PRR5L: variants seen among roughly 807,000 people sequenced by gnomAD.
PRR5L encodes proline rich 5 like, also known as proline-rich protein 5-like.
Under a neutral mutation model 36.4 loss-of-function variants are expected in PRR5L, and 21 were observed. The ratio of observed to expected loss-of-function variants is 0.58; its 90% CI spans 0.41 to 0.83. The LOEUF is 0.83. PRR5L is among the 40% of genes least tolerant of loss of function. The probability of loss-of-function intolerance (pLI) is 0.00; values close to 1 mark genes in which losing one functional copy is unlikely to be tolerated. For synonymous variants in PRR5L, 188 were observed against 197.0 expected (o/e 0.95, Z 0.38); for missense variants, 381 against 473.3 (o/e 0.80, Z 1.81).
chr11:36,435,672 C>T (rs970983689), intron 5 of PRR5L, among the ~76,000 whole-genome samples: 1 of 152,114 alleles, frequency 6.6e-6, no homozygotes, highest in Non-Finnish European at 1.5e-5. Flanking sequence ...GAGGAGGAGG[C>T]AGATTCTCCT....
At chr11:36,303,230 A>G (rs1469994119) in intron 1 of PRR5L, among the ~76,000 whole-genome samples, 1 of 152,230 alleles carries the variant, frequency 6.6e-6, no homozygotes, top group Non-Finnish European at 1.5e-5. Context: ...GGAGAGAAAT[A>G]GATGTAATAG....
intron 1 of PRR5L, among the ~76,000 whole-genome samples, chr11:36,323,847 C>T (rs1327192608): frequency 6.6e-6 from 1 of 152,126 alleles, no homozygotes; most frequent in African/African-American, 2.4e-5. Context: ...GATTATGCCA[C>T]TGCACTCCAG....
chr11:36,421,484 A>T (rs1393612058), intron 4 of PRR5L, among the ~76,000 whole-genome samples: 1 of 152,150 alleles, frequency 6.6e-6, no homozygotes, highest in Non-Finnish European at 1.5e-5. Context: ...TTTTAAATCG[A>T]AGTTTATTTA....
chr11:36,413,682 T>C (rs1303000405), intron 3 of PRR5L, among the ~76,000 whole-genome samples: 1 of 151,626 alleles, frequency 6.6e-6, no homozygotes, highest in Non-Finnish European at 1.5e-5. Flanking sequence ...CTGTATACTT[T>C]ATTTTATTTA....
At position 36,331,978 on chromosome 11, in the gene PRR5L, G is replaced by A. The variant is rs564135602; in HGVS notation, c.-126+35540G>A. Among the ~76,000 whole-genome samples the A allele has an allele frequency of 5.3e-5, 8 of 152,192 alleles. 1 individual carries two copies. Among genetic ancestry groups the A allele is most frequent in the East Asian group, 1.9e-4 (1 of 5,182 alleles). On this transcript the variant is annotated intron_variant, in intron 1 of 8. Transcript: ENST00000530639. ...GTTGGATAGGTTACTTAACCTTTCC[G>A]GGTCTTAGTTTCTTTACCTGTAAAA...
At chr11:36,410,941 G>A (rs368549112) in intron 3 of PRR5L, among the ~76,000 whole-genome samples, 1 of 152,192 alleles carries the variant, frequency 6.6e-6, no homozygotes, top group East Asian at 1.9e-4. Context: ...GGATCTTGAG[G>A]CGGTCTGGGC....
chr11:36,410,724 AC>A (rs1447593483), intron 3 of PRR5L, among the ~76,000 whole-genome samples: 3 of 152,236 alleles, frequency 2.0e-5, no homozygotes, highest in Non-Finnish European at 4.4e-5. Flanking sequence ...AGTCAAGGAC[AC>A]CACCTCCCAT....
At chr11:36,378,379 C>A (rs4756308) in intron 1 of PRR5L, among the ~76,000 whole-genome samples, 108,687 of 152,046 alleles carry the variant, frequency 0.71, 39,742 homozygotes, top group East Asian at 0.85. Flanking sequence ...GTTTCTGTAG[C>A]ATGTAGCCTT....
Position 36,446,452 on chromosome 11 carries a change from C to T in PRR5L, c.585+12C>T. 1 of 1,613,496 alleles carries T rather than the reference C, an allele frequency of 6.2e-7. No individual in the cohort carries two copies. Among genetic ancestry groups the T allele is most frequent in the African/African-American group, 1.3e-5 (1 of 75,038 alleles). ...TGCTCATCCTGCAGGTGAGGCTGTG[C>T]TGGAGACTTGCCCCAAGGCAGAGGG... On this transcript the variant is annotated intron_variant, in intron 7 of 8. Coordinates refer to ENST00000530639, the MANE Select transcript of PRR5L (RefSeq NM_001160167.2).
At chr11:36,338,006 A>T (rs998302201) in intron 1 of PRR5L, among the ~76,000 whole-genome samples, 4 of 152,182 alleles carry the variant, frequency 2.6e-5, no homozygotes, top group Admixed American at 6.5e-5. Flanking sequence ...TTCAGCCATT[A>T]TGTTCACATT....
At chr11:36,327,671 T>G (rs78836669) in intron 1 of PRR5L, among the ~76,000 whole-genome samples, 389 of 152,302 alleles carry the variant, frequency 2.6e-3, no homozygotes, top group Admixed American at 6.1e-3. Flanking sequence ...CCTCTAAGCA[T>G]AGTCACCTAT....
intron 1 of PRR5L, among the ~76,000 whole-genome samples, chr11:36,338,351 A>G (rs564276370): frequency 6.6e-6 from 1 of 152,308 alleles, no homozygotes; most frequent in East Asian, 1.9e-4. Context: ...CCCGCTTGAA[A>G]TGCTTTCTTG....
chr11:36,402,934 C>T (rs751626155), intron 2 of PRR5L, among the ~76,000 whole-genome samples: 2 of 152,228 alleles, frequency 1.3e-5, no homozygotes, highest in Admixed American at 6.5e-5. Flanking sequence ...TGTGAAAGAA[C>T]CGCAGGCATG....
intron 1 of PRR5L, chr11:36,362,231 G>A (rs998817183): frequency 1.2e-4 from 19 of 152,156 alleles, no homozygotes; most frequent in Admixed American, 5.2e-4. Flanking sequence ...GGGTGGGTAT[G>A]GGAATCGCAT....
intron 3 of PRR5L, among the ~76,000 whole-genome samples, chr11:36,412,152 G>C (rs1445176199): frequency 2.0e-5 from 3 of 152,078 alleles, no homozygotes; most frequent in African/African-American, 7.2e-5. Flanking sequence ...TGGCTGCCAG[G>C]ATGCAGAGCC....
At position 36,421,313 on chromosome 11, in the gene PRR5L, C is replaced by G. The variant is rs1056447848; in HGVS notation, c.294+2010C>G. Among the ~76,000 whole-genome samples the G allele has an allele frequency of 9.9e-5, 15 of 152,222 alleles. No homozygotes were observed. The East Asian group carries it at 2.1e-3, about 22-fold the overall frequency. ...GGTGGGGACTTGTTTATCTGGGAAG[C>G]CTTGAGGTTTTTGGGGGCGGTTAAT... On this transcript the variant is annotated intron_variant, in intron 4 of 8. Coordinates refer to ENST00000530639, the MANE Select transcript of PRR5L (RefSeq NM_001160167.2).
At chr11:36,371,749 C>T (rs183517827) in intron 1 of PRR5L, among the ~76,000 whole-genome samples, 1 of 152,268 alleles carries the variant, frequency 6.6e-6, no homozygotes, top group East Asian at 1.9e-4. Flanking sequence ...GTATCTCAGA[C>T]CCCTAAGGCA....
At chr11:36,451,535 C>T (rs1286056585) in intron 8 of PRR5L, among the ~76,000 whole-genome samples, 200 bp downstream of exon 8, 3 of 152,198 alleles carry the variant, frequency 2.0e-5, no homozygotes, top group African/African-American at 7.2e-5. Context: ...GTAACCTTCT[C>T]CCCCTTGATG....
chr11:36,351,608 TA>T (rs1334380736), intron 1 of PRR5L, among the ~76,000 whole-genome samples: 2 of 5,478 alleles, frequency 3.7e-4, no homozygotes, highest in African/African-American at 1.7e-3. Flanking sequence ...TATAAATATA[TA>T]TTTATATATT....
Sources: gnomAD v4.1 joint callset for allele counts (sites outside exome capture counted in the v4.1 genomes callset) on GRCh38, gnomAD v4.1.1 for gene constraint, MANE v1.5 for transcripts, NCBI Gene and HGNC (gene_info 2026-07-23, HGNC 2026-07-21) for gene names.